Variants in AGL observed in about 807,000 individuals in gnomAD.
The protein encoded by AGL is glycogen debranching enzyme.
In AGL, 128 loss-of-function variants were observed where a neutral mutation model predicts 199.3. That is an observed-to-expected ratio of 0.64 (90% CI 0.56 to 0.74). The LOEUF (loss-of-function observed/expected upper bound fraction) is 0.74, where lower values mean the gene tolerates loss of function less well. Ranked by LOEUF, AGL falls within the 30% of genes least tolerant of loss-of-function variation. The probability of loss-of-function intolerance (pLI) is 0.00; values close to 1 mark genes in which losing one functional copy is unlikely to be tolerated. For missense variants in AGL, 1,809 were observed against 1,820.8 expected, an observed-to-expected ratio of 0.99 and a Z score of 0.12; for synonymous variants, 584 against 594.7, an observed-to-expected ratio of 0.98 and a Z score of 0.26.
intron 27 of AGL, among the ~76,000 whole-genome samples, chr1:99,908,152 G>A (rs1654460180): frequency 6.6e-6 from 1 of 150,826 alleles, no homozygotes; most frequent in South Asian, 2.1e-4. Context: ...TAACTCTTGT[G>A]TTTAGGTCTT....
rs1553186376 is a variant in AGL, at chr1:99,880,788, C to A, written c.1892C>A (p.Pro631His). 14 of 1,613,926 alleles carry A rather than the reference C, an allele frequency of 8.7e-6. No individual in the cohort carries two copies. The highest frequency in any genetic ancestry group is 1.0e-5 in the Non-Finnish European group (12 of 1,179,888). The change falls in exon 14 of 34, where the codon CCT (proline) becomes CAT (histidine). Residue 631 changes from proline (P) to histidine (H), a missense_variant. By Grantham distance (77) the Pro-to-His change is moderately conservative (BLOSUM62 -2). Coordinates refer to ENST00000361915, the MANE Select transcript of AGL (RefSeq NM_000642.3). ...GATATTACGCATGATAATGAGTGTC[C>A]TATTGTGGTAAGCACCTAATCTTTT... ...FMDITHDNEC[P>H]IVHRSAYDAL... is the part of the protein sequence containing the mutation.
rs786204595 is a variant in AGL at position 99,915,421 on chromosome 1, GA to G, written c.4197del (p.Ala1400LeufsTer15). The part of the protein sequence containing the change: ...PELFTTEKAW[K>X]ALEIAEKKLL... ...AGCTCTTTACTACAGAAAAAGCATG[GA>G]AAGCTTTGGAGATTGCAGAAAAAAA... On this transcript the variant is annotated frameshift_variant, in exon 31 of 34. Coordinates refer to ENST00000361915, the MANE Select transcript of AGL (RefSeq NM_000642.3). LOFTEE classifies it high-confidence loss of function. The G allele has an allele frequency of 6.2e-7, 1 of 1,613,826 alleles. No homozygotes were observed. The highest frequency in any genetic ancestry group is 8.5e-7 in the Non-Finnish European group (1 of 1,179,902).
intron 17 of AGL, 101 bp downstream of exon 17, chr1:99,881,792 A>AT: frequency 8.8e-7 from 1 of 1,133,420 alleles, no homozygotes; most frequent in Non-Finnish European, 1.2e-6. Flanking sequence ...CATATATATT[A>AT]TAACACAGTG....
At position 99,862,259 on chromosome 1, in the gene AGL, A is replaced by G. The variant is rs757172094; in HGVS notation, c.296A>G (p.Asn99Ser). 2 of 1,614,036 alleles carry G rather than the reference A, an allele frequency of 1.2e-6. No homozygotes were observed. Among genetic ancestry groups the G allele is most frequent in the South Asian group, 1.1e-5 (1 of 91,072 alleles). The change falls in exon 4 of 34, where the codon AAT becomes AGT. Residue 99 changes from asparagine to serine, a missense_variant and splice_region_variant. By Grantham distance (46) the Asn-to-Ser change is conservative. Transcript: ENST00000361915. Reference sequence around the variant, plus strand: ...TTTTGTTTTGTTTTTTCCCTTAGAAATGAGAAAAGTGGTGGAGGTTACATA... The same window carrying G: ...TTTTGTTTTGTTTTTTCCCTTAGAAGTGAGAAAAGTGGTGGAGGTTACATA... ...GSFQYYFLQGNEKSGGGYIVV... is the reference protein window; with the variant it reads ...GSFQYYFLQGSEKSGGGYIVV...
intron 21 of AGL, among the ~76,000 whole-genome samples, chr1:99,889,550 A>G (rs1199349133): frequency 1.3e-5 from 2 of 152,156 alleles, no homozygotes; most frequent in Non-Finnish European, 2.9e-5. Context: ...AATGCCCTCC[A>G]GCCTGGGTGA....
Position 99,864,386 on chromosome 1 carries a change from G to A in AGL, c.461G>A (p.Gly154Asp), listed in dbSNP as rs199622995. 6 of 1,612,356 alleles carry A rather than the reference G, an allele frequency of 3.7e-6. No individual in the cohort carries two copies. Among genetic ancestry groups the A allele is most frequent in the Non-Finnish European group, 2.5e-6 (3 of 1,178,786 alleles). ...ESRLRVAKES[G>D]YNMIHFTPLQ... is the part of the protein sequence containing the mutation. ...GGTCTTTCCTTTATTTGCTTTGCAG[G>A]CTACAACATGATTCATTTTACCCCA... The change falls in exon 5 of 34, where the codon GGC (glycine) becomes GAC (aspartate). Residue 154 changes from glycine (G) to aspartate (D), a missense_variant and splice_region_variant. Gly to Asp is a moderately conservative substitution (Grantham distance 94). Coordinates refer to ENST00000361915, the MANE Select transcript of AGL (RefSeq NM_000642.3).
Position 99,922,577 on chromosome 1 carries a change from A to G in AGL, c.*926A>G, listed in dbSNP as rs964358803. On this transcript the variant is annotated 3_prime_UTR_variant, in exon 34 of 34. Coordinates refer to ENST00000361915, the MANE Select transcript of AGL (RefSeq NM_000642.3). ...AAATATGGATATGAATTCAGTAGAT[A>G]TCTTAAATTCAATAAAATCACTGGA... 5 of 151,848 alleles carry G rather than the reference A, an allele frequency of 3.3e-5. No individual in the cohort carries two copies. The highest frequency in any genetic ancestry group is 6.6e-5 in the Admixed American group (1 of 15,256). The allele number at this position is 151,848 out of a possible 1,614,324, so 9.4% of individuals were successfully genotyped here.
intron 15 of AGL, 38 bp from the exon 16 acceptor site, chr1:99,881,254 A>G: frequency 1.2e-6 from 2 of 1,613,944 alleles, no homozygotes; most frequent in Non-Finnish European, 1.7e-6. Flanking sequence ...ATTCATTGTA[A>G]TTAAGATGTA....
chr1:99,901,525 A>G (rs1653837561), intron 26 of AGL, among the ~76,000 whole-genome samples: 1 of 151,936 alleles, frequency 6.6e-6, no homozygotes, highest in African/African-American at 2.4e-5. Context: ...AAAAGTCAAT[A>G]TGGTTTGGCT....
intron 20 of AGL, among the ~76,000 whole-genome samples, chr1:99,886,422 C>G (rs1192874502): frequency 6.6e-6 from 1 of 151,782 alleles, no homozygotes. Context: ...GAGGTCTAGG[C>G]TGCAATGAGC....
intron 3 of AGL, among the ~76,000 whole-genome samples, chr1:99,862,005 G>A (rs1418197877): frequency 6.6e-6 from 1 of 152,044 alleles, no homozygotes; most frequent in African/African-American, 2.4e-5. Context: ...ATAGGTTTTA[G>A]TATACTTATA....
chr1:99,920,181 C>CT (rs1655418470), intron 33 of AGL, among the ~76,000 whole-genome samples: 1 of 152,176 alleles, frequency 6.6e-6, no homozygotes, highest in African/African-American at 2.4e-5. Context: ...GCACTACAAA[C>CT]TGAGTGACTT....
intron 5 of AGL, among the ~76,000 whole-genome samples, chr1:99,866,735 C>A (rs1195525018): frequency 6.6e-6 from 1 of 152,188 alleles, no homozygotes; most frequent in Non-Finnish European, 1.5e-5. Context: ...AAGAAGTAAA[C>A]CTTGCCACAG....
intron 1 of AGL, chr1:99,850,696 C>T (rs983881209): frequency 2.2e-5 from 6 of 278,100 alleles, no homozygotes; most frequent in Admixed American, 5.0e-5. Context: ...TCAGGCTTTC[C>T]TAAGTGTATT....
chr1:99,870,949 G>A (rs1650945682), intron 7 of AGL, 80 bp downstream of exon 7: 10 of 844,120 alleles, frequency 1.2e-5, no homozygotes, highest in South Asian at 4.5e-5. Context: ...TTTGGGTAAC[G>A]TCATTATTAA....
In AGL at chr1:99,874,818, A is replaced by G. The variant is rs1375533728; in HGVS notation, c.1082+8A>G. ...GACTTTCATACCACATGAGTATGTA[A>G]TGTGTTTTTTTCTGTGAAATAATAA... On this transcript the variant is annotated splice_region_variant and intron_variant, in intron 8 of 33. Coordinates refer to ENST00000361915, the MANE Select transcript of AGL (RefSeq NM_000642.3). The G allele has an allele frequency of 1.9e-6, 3 of 1,613,174 alleles. No homozygotes were observed. Among genetic ancestry groups the G allele is most frequent in the Non-Finnish European group, 2.5e-6 (3 of 1,179,362 alleles).
intron 2 of AGL, among the ~76,000 whole-genome samples, chr1:99,856,346 C>CCTT (rs1649442362): frequency 2.3e-5 from 1 of 42,600 alleles, no homozygotes; most frequent in Non-Finnish European, 4.4e-5. Flanking sequence ...CTCCCTCCCT[C>CCTT]CCTCCCTCCC....
rs780021572 is a variant in AGL at position 99,876,628 on chromosome 1, G to A, written c.1423+31G>A. 3.1e-6 allele frequency: 5 copies of A among 1,612,012 alleles called. No homozygotes were observed. In the Admixed American group the frequency reaches 8.3e-5, roughly 27 times the overall value. On this transcript the variant is annotated intron_variant, in intron 11 of 33. Transcript: ENST00000361915. ...TAATTTTTAACTTCTCTGTGGATGG[G>A]GAAAGAATAGTTCATGGCAAGGTCA...
At chr1:99,862,526 G>T in intron 4 of AGL, 103 bp downstream of exon 4, 8 of 1,277,232 alleles carry the variant, frequency 6.3e-6, no homozygotes, top group Non-Finnish European at 7.8e-6. Context: ...TTCTCTCATT[G>T]CAGTAAAGAA....
Sources: allele counts gnomAD v4.1 joint callset (sites outside exome capture counted in the v4.1 genomes callset), GRCh38; gene constraint gnomAD v4.1.1; transcripts MANE v1.5; gene names NCBI Gene and HGNC (gene_info 2026-07-23, HGNC 2026-07-21).